The following RBFOX3 variants were observed in gnomAD, a reference collection of about 807,000 sequenced individuals.
RBFOX3 encodes RNA binding protein fox-1 homolog 3.
In RBFOX3, 17 loss-of-function variants were observed where a neutral mutation model predicts 48.7. That is an observed-to-expected ratio of 0.35 (90% confidence interval 0.24 to 0.52). The LOEUF is 0.52. RBFOX3 is among the 20% of genes least tolerant of loss of function. RBFOX3 has a pLI of 0.94. For synonymous variants in RBFOX3, 212 were observed against 209.5 expected, an observed-to-expected ratio of 1.01 and a Z score of -0.10; for missense variants, 382 against 497.5, an observed-to-expected ratio of 0.77 and a Z score of 2.21.
intron 4 of RBFOX3, among the ~76,000 whole-genome samples, chr17:79,135,303 G>A (rs1248405152): frequency 6.6e-6 from 1 of 152,170 alleles, no homozygotes; most frequent in South Asian, 2.1e-4. Context: ...GATGGGTGGC[G>A]GTGGGGTCCC....
the RBFOX3 span, among the ~76,000 whole-genome samples, chr17:79,629,730 C>T: frequency 2.0e-5 from 3 of 152,310 alleles, no homozygotes; most frequent in East Asian, 5.8e-4. Flanking sequence ...TTGCTCATAA[C>T]ATCAAAAGAT....
chr17:79,155,135 T>C (rs1157803854), intron 4 of RBFOX3, among the ~76,000 whole-genome samples: 1 of 152,180 alleles, frequency 6.6e-6, no homozygotes, highest in East Asian at 1.9e-4. Context: ...GCCTAAGTAC[T>C]ATGTTGAAGT....
At position 79,391,531 on chromosome 17, in the gene RBFOX3, C is replaced by T. The variant is rs1223839200; in HGVS notation, c.-174-83707G>A. ...TCCGCCCAAATACGGCAAATGCCAC[C>T]GATTTTAATCTCACCCGAAACCAAC... On this transcript the variant is annotated intron_variant, in intron 2 of 14. Transcript: ENST00000693108. The surrounding 1 kb of genome is among the most constrained non-coding windows in gnomAD (Gnocchi z 5.0). 2.0e-5 allele frequency among the ~76,000 whole-genome samples: 3 copies of T among 152,182 alleles called. No homozygotes were observed. Among genetic ancestry groups the T allele is most frequent in the East Asian group, 1.9e-4 (1 of 5,182 alleles).
At chr17:79,177,596 C>A (rs1278537310) in intron 4 of RBFOX3, among the ~76,000 whole-genome samples, 1 of 152,210 alleles carries the variant, frequency 6.6e-6, no homozygotes, top group African/African-American at 2.4e-5. Flanking sequence ...CTGGCACACC[C>A]ATGCTGCCCA....
intron 4 of RBFOX3, among the ~76,000 whole-genome samples, chr17:79,218,107 C>T (rs987354449): frequency 3.9e-5 from 6 of 152,078 alleles, no homozygotes; most frequent in African/African-American, 1.4e-4. Context: ...GATGGAGAAG[C>T]CAGTCTGAAG....
chr17:79,115,078 C>T (rs780737913), intron 5 of RBFOX3, among the ~76,000 whole-genome samples: 1 of 152,254 alleles, frequency 6.6e-6, no homozygotes, highest in Non-Finnish European at 1.5e-5. Context: ...CCTGGGCCAC[C>T]TCCACGGCTC....
At chr17:79,489,467 G>A (rs1337491852) in intron 1 of RBFOX3, among the ~76,000 whole-genome samples, 1 of 152,056 alleles carries the variant, frequency 6.6e-6, no homozygotes, top group Non-Finnish European at 1.5e-5. Flanking sequence ...GCTAATTTTT[G>A]CATTTTTTGT....
intron 4 of RBFOX3, among the ~76,000 whole-genome samples, chr17:79,158,125 CACAG>C (rs1292532235): frequency 1.4e-5 from 2 of 147,224 alleles, no homozygotes; most frequent in Admixed American, 6.8e-5. Context: ...CATAGACACA[CACAG>C]ACAGACGACC....
intron 4 of RBFOX3, among the ~76,000 whole-genome samples, chr17:79,187,308 C>T (rs953740284): frequency 6.6e-6 from 1 of 152,194 alleles, no homozygotes; most frequent in Non-Finnish European, 1.5e-5. Flanking sequence ...GCCCCTCTTT[C>T]CCCTTCCAGG....
chr17:79,097,959 T>C lies in RBFOX3; in HGVS notation c.569-214A>G. On this transcript the variant is annotated intron_variant, in intron 9 of 14. Transcript: ENST00000693108. ...TTCCTGACTCTTCTGCCTGGGGGTC[T>C]GCTAGGATTCTTTCCCAATTGTGAT... The C allele has an allele frequency of 1.4e-5, 8 of 586,030 alleles. No homozygotes were observed. In the South Asian group the frequency reaches 1.4e-4, roughly 10 times the overall value. The allele number at this position is 586,030 out of a possible 1,614,324, so 36.3% of individuals were successfully genotyped here. A position where few individuals can be genotyped will look rare whatever the true frequency, so the allele number is the denominator to read the frequency against.
At chr17:79,142,160 A>C (rs2042043448) in intron 4 of RBFOX3, among the ~76,000 whole-genome samples, 1 of 152,160 alleles carries the variant, frequency 6.6e-6, no homozygotes, top group Non-Finnish European at 1.5e-5. Flanking sequence ...TGCAGTAAAT[A>C]AAAAGACGAT....
chr17:79,502,968 T>G (rs1004352455), intron 1 of RBFOX3, among the ~76,000 whole-genome samples: 3 of 152,306 alleles, frequency 2.0e-5, no homozygotes, highest in African/African-American at 4.8e-5. Flanking sequence ...ACTGGGGACC[T>G]TAAACAAGAG....
At chr17:79,360,824 T>TC (rs2086189972) in intron 2 of RBFOX3, among the ~76,000 whole-genome samples, 1 of 100,124 alleles carries the variant, frequency 1.0e-5, no homozygotes, top group African/African-American at 4.2e-5. Context: ...TGGATCAAAT[T>TC]CCTTTTTTTT....
rs1307356482 is a variant in RBFOX3, at chr17:79,195,004, C to T, written c.-34+40762G>A. 6.6e-6 allele frequency among the ~76,000 whole-genome samples: 1 copy of T among 152,066 alleles called. No homozygotes were observed. The highest frequency in any genetic ancestry group is 1.5e-5 in the Non-Finnish European group (1 of 68,002). On this transcript the variant is annotated intron_variant, in intron 4 of 14. Coordinates refer to ENST00000693108, the MANE Select transcript of RBFOX3 (RefSeq NM_001350451.2). This position sits in a 1 kb window ranked among gnomAD's most constrained non-coding sequence, Gnocchi z 5.3. ...TATGCTTCTATTGGGCAGCTCTGGT[C>T]TAGAACATGGGCAGATGTCTTTCCG...
intron 3 of RBFOX3, among the ~76,000 whole-genome samples, chr17:79,246,463 C>T (rs2063182146): frequency 1.3e-5 from 2 of 152,350 alleles, no homozygotes; most frequent in African/African-American, 2.4e-5. Flanking sequence ...CTAAGGGAAG[C>T]GGAGTCCCTG....
In RBFOX3 at chr17:79,208,732, C is replaced by T. The variant is rs148043988; in HGVS notation, c.-34+27034G>A. Among the ~76,000 whole-genome samples the T allele has an allele frequency of 8.1e-3, 1,228 of 152,244 alleles. 6 individuals carry two copies. Among genetic ancestry groups the T allele is most frequent in the Non-Finnish European group, 0.013 (869 of 68,010 alleles). ...CAGAATTATTCTGACCGTGTCCCCA[C>T]GCTTGCTCCTAGGGCCCTGCTCCTG... On this transcript the variant is annotated intron_variant, in intron 4 of 14. Coordinates refer to ENST00000693108, the MANE Select transcript of RBFOX3 (RefSeq NM_001350451.2).
At chr17:79,269,796 T>A (rs1000791) in intron 3 of RBFOX3, among the ~76,000 whole-genome samples, 13,194 of 148,854 alleles carry the variant, frequency 0.089, 974 homozygotes, top group East Asian at 0.43. Context: ...CTGGGTTCCT[T>A]TCCATTGTAA....
At chr17:79,246,249 G>C (rs1335578181) in intron 3 of RBFOX3, among the ~76,000 whole-genome samples, 1 of 152,202 alleles carries the variant, frequency 6.6e-6, no homozygotes, top group South Asian at 2.1e-4. Flanking sequence ...GCCACAGGGG[G>C]CTGTGTGCCT....
chr17:79,389,446 C>T (rs1459929395), intron 2 of RBFOX3, among the ~76,000 whole-genome samples: 2 of 152,236 alleles, frequency 1.3e-5, no homozygotes, highest in Non-Finnish European at 2.9e-5. Context: ...ACTCTACAAG[C>T]CAGCTGACAG....
Sources: gnomAD v4.1 joint callset for allele counts (sites outside exome capture counted in the v4.1 genomes callset) on GRCh38, gnomAD v4.1.1 for gene constraint, Gnocchi (gnomAD v3.1) non-coding constraint, MANE v1.5 for transcripts, NCBI Gene and HGNC (gene_info 2026-07-23, HGNC 2026-07-21) for gene names.